Variants in TENM2 observed in about 807,000 individuals in gnomAD.
TENM2 encodes teneurin transmembrane protein 2.
In TENM2, 52 loss-of-function variants were observed where a neutral mutation model predicts 245.2. That is an observed-to-expected ratio of 0.21 (90% CI 0.17 to 0.27). The LOEUF is 0.27. TENM2 is among the 10% of genes least tolerant of loss of function. The probability of loss-of-function intolerance (pLI) is 1.00; values close to 1 mark genes in which losing one functional copy is unlikely to be tolerated. For missense variants in TENM2, 3,046 were observed against 3,666.8 expected (o/e 0.83, Z 4.37); for synonymous variants, 1,363 against 1,438.9 (o/e 0.95, Z 1.19).
the TENM2 span, among the ~76,000 whole-genome samples, chr5:167,260,094 T>A: frequency 6.6e-6 from 1 of 152,216 alleles, no homozygotes; most frequent in Non-Finnish European, 1.5e-5. Context: ...TTTATCCATC[T>A]TCATTAATGA....
chr5:167,928,610 T>G (rs1340305493), intron 3 of TENM2, among the ~76,000 whole-genome samples: 2 of 152,022 alleles, frequency 1.3e-5, no homozygotes, highest in Non-Finnish European at 1.5e-5. Context: ...AAAGAATGTG[T>G]GGGCCAGGTG....
chr5:167,767,791 T>A (rs1041159455), intron 2 of TENM2, among the ~76,000 whole-genome samples: 2 of 152,212 alleles, frequency 1.3e-5, no homozygotes, highest in African/African-American at 4.8e-5. Flanking sequence ...AACTCTGATA[T>A]ACTTGAAGTC....
chr5:168,041,823 C>G (rs948306720), intron 5 of TENM2, among the ~76,000 whole-genome samples: 4 of 152,178 alleles, frequency 2.6e-5, no homozygotes, highest in African/African-American at 9.7e-5. Flanking sequence ...AATAATGAGC[C>G]CAATACCTGG....
rs769423405 is a variant in TENM2 at position 168,247,178 on chromosome 5, C to T, written c.6239C>T (p.Ser2080Phe). The T allele has an allele frequency of 1.2e-6, 2 of 1,613,794 alleles. No individual in the cohort carries two copies. The highest frequency in any genetic ancestry group is 1.7e-6 in the Non-Finnish European group (2 of 1,179,902). ...GTGGACAAGCAGATCTACAGGTTCT[C>T]CGAGGAAGGCATGGTCAATGCCAGG... The change falls in exon 27 of 29, where the codon TCC becomes TTC. Residue 2080 changes from serine (S) to phenylalanine (F), a missense_variant. Coordinates refer to ENST00000518659, the Ensembl canonical transcript of TENM2. This position sits in a 1 kb window ranked among gnomAD's most constrained non-coding sequence, Gnocchi z 7.8.
intron 2 of TENM2, among the ~76,000 whole-genome samples, chr5:167,502,156 G>A (rs777211976): frequency 7.9e-5 from 12 of 152,108 alleles, no homozygotes; most frequent in East Asian, 1.9e-4. Flanking sequence ...TACTCAAGAC[G>A]GGATAGAGTT....
intron 3 of TENM2, among the ~76,000 whole-genome samples, chr5:167,922,003 A>G (rs1237384524): frequency 1.3e-5 from 2 of 152,240 alleles, no homozygotes; most frequent in Non-Finnish European, 1.5e-5. Context: ...CTCATGAGTC[A>G]GAAACTCTAG....
intron 2 of TENM2, among the ~76,000 whole-genome samples, chr5:167,873,527 G>A (rs1478456378): frequency 6.6e-6 from 1 of 152,162 alleles, no homozygotes; most frequent in Non-Finnish European, 1.5e-5. Context: ...AAATGGGAAT[G>A]TGTTATTTCA....
At chr5:166,979,160 A>C in the TENM2 span, among the ~76,000 whole-genome samples, 356 of 150,702 alleles carry the variant, frequency 2.4e-3, 3 homozygotes, top group Middle Eastern at 6.9e-3. Context: ...TCCTCCTCCT[A>C]ATCGTTTCCG....
chr5:167,533,303 G>A (rs973088262), intron 2 of TENM2, among the ~76,000 whole-genome samples: 2 of 152,162 alleles, frequency 1.3e-5, no homozygotes, highest in Admixed American at 6.5e-5. Context: ...TGAAGTTTCT[G>A]AACTTGGAGG....
chr5:167,477,997 G>A (rs1445590396), intron 2 of TENM2, among the ~76,000 whole-genome samples: 1 of 152,206 alleles, frequency 6.6e-6, no homozygotes, highest in East Asian at 1.9e-4. Context: ...ATTCAATTTA[G>A]TAGTTACTCA....
At chr5:168,114,684 G>A (rs1035477319) in intron 9 of TENM2, among the ~76,000 whole-genome samples, 2 of 152,252 alleles carry the variant, frequency 1.3e-5, no homozygotes, top group Non-Finnish European at 2.9e-5. Context: ...GTGATGAGCC[G>A]CCTTCCACTT....
intron 2 of TENM2, among the ~76,000 whole-genome samples, chr5:167,399,840 T>C (rs1040240405): frequency 3.9e-5 from 6 of 152,080 alleles, no homozygotes; most frequent in Non-Finnish European, 8.8e-5. Flanking sequence ...AAGTTAATAT[T>C]TGGGCCTGGC....
rs1776498268 is a variant in TENM2 at position 167,599,991 on chromosome 5, CA to C, written c.502+224523del. On this transcript the variant is annotated intron_variant, in intron 2 of 28. Transcript: ENST00000518659. Reference sequence around the variant, plus strand: ...TGAAACCCCATCTCTACTAAAAACACAAAAATTAGCCAGACGTGGTGGTGGG... The same window carrying C: ...TGAAACCCCATCTCTACTAAAAACACAAAATTAGCCAGACGTGGTGGTGGG... 2.0e-5 allele frequency among the ~76,000 whole-genome samples: 3 copies of C among 150,848 alleles called. No homozygotes were observed. In the East Asian group the frequency reaches 5.9e-4, roughly 30 times the overall value.
At chr5:167,567,137 A>G (rs1291915589) in intron 2 of TENM2, among the ~76,000 whole-genome samples, 1 of 152,220 alleles carries the variant, frequency 6.6e-6, no homozygotes, top group Non-Finnish European at 1.5e-5. Context: ...GGAAACGGAT[A>G]TAAAAATCGA....
the TENM2 span, among the ~76,000 whole-genome samples, chr5:167,146,747 T>C: frequency 1.3e-5 from 2 of 152,158 alleles, no homozygotes; most frequent in Non-Finnish European, 2.9e-5. Flanking sequence ...GTCACACTGA[T>C]TTTAAATCCA....
At chr5:168,190,657 C>A in intron 14 of TENM2, 110 bp downstream of exon 16, 1 of 900,770 alleles carries the variant, frequency 1.1e-6, no homozygotes, top group Non-Finnish European at 1.7e-6. Flanking sequence ...GGAATCTGCC[C>A]CCCTAGAGGC....
chr5:167,375,047 A>T, intron 1 of TENM2, 151 bp from the exon 4 acceptor site: 2 of 749,360 alleles, frequency 2.7e-6, no homozygotes, highest in Non-Finnish European at 4.3e-6. Flanking sequence ...ACTGTCCTGA[A>T]TACTCTTGTC....
chr5:167,844,854 A>AC (rs1769884954), intron 2 of TENM2, among the ~76,000 whole-genome samples: 1 of 151,488 alleles, frequency 6.6e-6, no homozygotes, highest in Non-Finnish European at 1.5e-5. Flanking sequence ...GCCAAAAAAA[A>AC]AAAAAAAATC....
chr5:167,431,980 G>A (rs970245828), intron 2 of TENM2, among the ~76,000 whole-genome samples: 6 of 83,280 alleles, frequency 7.2e-5, no homozygotes, highest in African/African-American at 3.9e-4. Context: ...TATATATATG[G>A]AAGTTCAATG....
Sources: gnomAD v4.1 joint callset for allele counts (sites outside exome capture counted in the v4.1 genomes callset) on GRCh38, gnomAD v4.1.1 for gene constraint, Gnocchi (gnomAD v3.1) non-coding constraint, MANE v1.5 for transcripts, NCBI Gene and HGNC (gene_info 2026-07-23, HGNC 2026-07-21) for gene names.